The following PPP3CA variants were observed in gnomAD, a reference collection of about 807,000 sequenced individuals.
PPP3CA encodes CAM-PRP catalytic subunit.
A neutral mutation model predicts 66.5 loss-of-function variants in PPP3CA; 14 were observed. That is an observed-to-expected ratio of 0.21 (90% confidence interval 0.14 to 0.33). The LOEUF (loss-of-function observed/expected upper bound fraction) is 0.33. Ranked by LOEUF, PPP3CA falls within the 10% of genes least tolerant of loss-of-function variation. The probability of loss-of-function intolerance (pLI) is 1.00; values close to 1 mark genes in which losing one functional copy is unlikely to be tolerated. For synonymous variants in PPP3CA, 232 were observed against 226.2 expected (o/e 1.03, Z -0.23); for missense variants, 317 against 639.5 (o/e 0.50, Z 5.44).
intron 1 of PPP3CA, among the ~76,000 whole-genome samples, chr4:101,297,478 A>T (rs756384401): frequency 6.6e-6 from 1 of 152,206 alleles, no homozygotes; most frequent in Non-Finnish European, 1.5e-5. Flanking sequence ...GATCCATGTA[A>T]GGTGACAGAA....
At chr4:101,076,873 C>A (rs1046015321) in intron 8 of PPP3CA, among the ~76,000 whole-genome samples, 3 of 152,162 alleles carry the variant, frequency 2.0e-5, no homozygotes, top group African/African-American at 4.8e-5. Flanking sequence ...TGTTTCAAAG[C>A]GATTTCATGC....
chr4:101,032,470 T>C (rs1254891605), intron 11 of PPP3CA, 106 bp from the exon 12 acceptor site: 1 of 879,026 alleles, frequency 1.1e-6, no homozygotes, highest in South Asian at 1.5e-5. Context: ...CATTTCCCTC[T>C]ATCTTGGCTC....
chr4:101,057,798 CT>C (rs1318025293), intron 10 of PPP3CA, among the ~76,000 whole-genome samples: 1 of 152,090 alleles, frequency 6.6e-6, no homozygotes, highest in African/African-American at 2.4e-5. Context: ...TTTAATTTCT[CT>C]TTTTCAATTC....
At chr4:101,299,097 C>G (rs941960145) in intron 1 of PPP3CA, among the ~76,000 whole-genome samples, 7 of 145,638 alleles carry the variant, frequency 4.8e-5, no homozygotes, top group African/African-American at 1.8e-4. Context: ...ATATCAAGTG[C>G]CATATATCGT....
At chr4:101,067,810 T>TATAATAATA (rs143876116) in intron 8 of PPP3CA, among the ~76,000 whole-genome samples, 18 of 147,072 alleles carry the variant, frequency 1.2e-4, no homozygotes, top group East Asian at 3.9e-4. Context: ...AAACTTAAAG[T>TATAATAATA]ATAATAATAA....
intron 2 of PPP3CA, among the ~76,000 whole-genome samples, chr4:101,127,816 A>T (rs1398600022): frequency 6.6e-6 from 1 of 152,236 alleles, no homozygotes; most frequent in Non-Finnish European, 1.5e-5. Flanking sequence ...AGCATTTTGG[A>T]TGAAATAGTT....
Position 101,079,687 on chromosome 4 carries a change from T to C in PPP3CA, c.955+845A>G, listed in dbSNP as rs1009536093. On this transcript the variant is annotated intron_variant, in intron 8 of 13. Coordinates refer to ENST00000394854, the MANE Select transcript of PPP3CA (RefSeq NM_000944.5). ...GCCTATATAATATCCAGACCAATGC[T>C]ACATAGAGTTAAAGGCTTTTTCACA... Among the ~76,000 whole-genome samples the C allele has an allele frequency of 1.1e-3, 164 of 152,236 alleles. 4 individuals carry two copies. The highest frequency in any genetic ancestry group is 7.3e-5 in the Non-Finnish European group (5 of 68,040).
chr4:101,270,868 G>C (rs1422109526), intron 1 of PPP3CA, among the ~76,000 whole-genome samples: 1 of 152,126 alleles, frequency 6.6e-6, no homozygotes, highest in Non-Finnish European at 1.5e-5. Flanking sequence ...ATTAAATACA[G>C]TGTGACTTTA....
chr4:101,026,142 TTA>T, intron 13 of PPP3CA, 81 bp from the exon 14 acceptor site: 2 of 1,250,116 alleles, frequency 1.6e-6, no homozygotes, highest in African/African-American at 3.0e-5. Context: ...GCAGGTGATG[TTA>T]GAGATTTCTC....
At chr4:101,284,511 G>A (rs1398923968) in intron 1 of PPP3CA, among the ~76,000 whole-genome samples, 2 of 151,942 alleles carry the variant, frequency 1.3e-5, no homozygotes, top group East Asian at 3.9e-4. Context: ...TTTAACACAA[G>A]ATAAAAAAGA....
At chr4:101,243,480 GA>G (rs1283233580) in intron 1 of PPP3CA, among the ~76,000 whole-genome samples, 2 of 151,612 alleles carry the variant, frequency 1.3e-5, no homozygotes, top group South Asian at 4.2e-4. Flanking sequence ...TATACATAGG[GA>G]AAAAAAACAG....
In PPP3CA at chr4:101,083,180, G is replaced by T; in HGVS notation, c.860+6C>A. On this transcript the variant is annotated splice_donor_region_variant and intron_variant, in intron 7 of 13. Coordinates refer to ENST00000394854, the MANE Select transcript of PPP3CA (RefSeq NM_000944.5). ...ATGGTTTTTATAAATGCTCAAAACTGCTCACCCTGCATCTTGGGCTTCGTG... is the reference window on the plus strand; with the variant it reads ...ATGGTTTTTATAAATGCTCAAAACTTCTCACCCTGCATCTTGGGCTTCGTG... 2.0e-6 allele frequency: 3 copies of T among 1,481,484 alleles called. No homozygotes were observed. Among genetic ancestry groups the T allele is most frequent in the Non-Finnish European group, 2.7e-6 (3 of 1,109,886 alleles). 91.8% of individuals were successfully genotyped at this position (1,481,484 alleles called of 1,614,324 possible). A position where few individuals can be genotyped will look rare whatever the true frequency, so the allele number is the denominator to read the frequency against.
chr4:101,040,128 A>C (rs926938100), intron 11 of PPP3CA, among the ~76,000 whole-genome samples: 1 of 152,140 alleles, frequency 6.6e-6, no homozygotes, highest in Non-Finnish European at 1.5e-5. Flanking sequence ...TACATCTTTC[A>C]CCACGAGCCA....
At chr4:101,028,547 C>T (rs1373234186) in intron 13 of PPP3CA, among the ~76,000 whole-genome samples, 4 of 152,152 alleles carry the variant, frequency 2.6e-5, no homozygotes, top group Admixed American at 2.6e-4. Context: ...CTTCCACAGC[C>T]ACTAGATGCT....
intron 1 of PPP3CA, among the ~76,000 whole-genome samples, chr4:101,282,989 A>G (rs1034886016): frequency 1.1e-4 from 17 of 152,234 alleles, no homozygotes; most frequent in Non-Finnish European, 2.4e-4. Context: ...AAATAATAAG[A>G]GTTAATTTTA....
At chr4:101,295,838 A>G (rs1728184595) in intron 1 of PPP3CA, among the ~76,000 whole-genome samples, 1 of 152,236 alleles carries the variant, frequency 6.6e-6, no homozygotes, top group Non-Finnish European at 1.5e-5. Context: ...AAGTGTAAAA[A>G]GTTTAAAAAG....
chr4:101,109,433 T>A (rs1273448377), intron 2 of PPP3CA, among the ~76,000 whole-genome samples: 1 of 151,392 alleles, frequency 6.6e-6, no homozygotes, highest in Non-Finnish European at 1.5e-5. Context: ...ACCCTAAAAA[T>A]GCCATGAGAT....
intron 6 of PPP3CA, among the ~76,000 whole-genome samples, chr4:101,090,053 C>A (rs1364948210): frequency 1.3e-5 from 2 of 152,128 alleles, no homozygotes; most frequent in Non-Finnish European, 2.9e-5. Flanking sequence ...GCCAATAATT[C>A]AAAATGGTAA....
At chr4:101,277,927 A>C (rs1293877708) in intron 1 of PPP3CA, among the ~76,000 whole-genome samples, 1 of 152,124 alleles carries the variant, frequency 6.6e-6, no homozygotes, top group Non-Finnish European at 1.5e-5. Context: ...TGACTATATT[A>C]GTCCTATAAA....
Sources: allele counts gnomAD v4.1 joint callset (sites outside exome capture counted in the v4.1 genomes callset), GRCh38; gene constraint gnomAD v4.1.1; transcripts MANE v1.5; gene names NCBI Gene and HGNC (gene_info 2026-07-23, HGNC 2026-07-21).